Variants in ZNF428 observed in about 807,000 individuals in gnomAD.
The protein encoded by ZNF428 is enzyme-like protein PIT13.
In ZNF428, 5 loss-of-function variants were observed where a neutral mutation model predicts 15.6. That is an observed-to-expected ratio of 0.32 (90% CI 0.17 to 0.67). ZNF428 has a LOEUF of 0.67. ZNF428 is among the 30% of genes least tolerant of loss of function. The pLI is 0.73. For synonymous variants in ZNF428, 97 were observed against 102.2 expected (o/e 0.95, Z 0.31); for missense variants, 237 against 256.0 (o/e 0.93, Z 0.51).
intron 1 of ZNF428, among the ~76,000 whole-genome samples, chr19:43,619,135 A>G (rs1378409101): frequency 3.3e-5 from 5 of 152,166 alleles, no homozygotes. Context: ...ACCTTCCACT[A>G]CGGGACAATA....
intron 1 of ZNF428, among the ~76,000 whole-genome samples, chr19:43,618,007 G>A (rs1036011693): frequency 3.4e-5 from 5 of 149,172 alleles, no homozygotes; most frequent in Admixed American, 1.3e-4. Flanking sequence ...GACTACAGGC[G>A]CGTGCCACCA....
chr19:43,607,940 C>G lies in ZNF428; in HGVS notation c.244G>C (p.Ala82Pro), dbSNP rs758397790. The change falls in exon 3 of 3, where the codon GCC becomes CCC. Residue 82 changes from alanine (A) to proline (P), a missense_variant. Coordinates refer to ENST00000300811, the MANE Select transcript of ZNF428 (RefSeq NM_182498.4). The surrounding 1 kb of genome is among the most constrained non-coding windows in gnomAD (Gnocchi z 5.1). ...GCCGGGGGCTGGGCTGCACGGGGGG[C>G]CCGGCGGGATGGGCCACCACGGCCC... ...GGGRGGPSRR[A>P]PRAAQPPAQP... 2 of 1,579,146 alleles carry G rather than the reference C, an allele frequency of 1.3e-6. No homozygotes were observed. Among genetic ancestry groups the G allele is most frequent in the Non-Finnish European group, 8.6e-7 (1 of 1,162,832 alleles).
In ZNF428 at chr19:43,612,478, C is replaced by A; in HGVS notation, c.76+1751G>T. The A allele has an allele frequency of 6.5e-7, 1 of 1,545,732 alleles. No individual in the cohort carries two copies. Among genetic ancestry groups the A allele is most frequent in the Non-Finnish European group, 8.8e-7 (1 of 1,142,440 alleles). The stretch of plus-strand genomic sequence containing the variant: ...GCCACCAGCGGAGGGGCACACACAG[C>A]CGGGGTAGGACACCTGGCAGAAGGG... On this transcript the variant is annotated intron_variant, in intron 2 of 2. Transcript: ENST00000300811. The surrounding 1 kb of genome is among the most constrained non-coding windows in gnomAD (Gnocchi z 4.2).
chr19:43,613,843 C>A, intron 2 of ZNF428: 3 of 1,550,798 alleles, frequency 1.9e-6, no homozygotes, highest in Non-Finnish European at 1.7e-6. Flanking sequence ...GATGGAGAAG[C>A]CCCAGCAAGG....
chr19:43,613,482 G>T (rs1477734727), intron 2 of ZNF428: 1 of 1,544,972 alleles, frequency 6.5e-7, no homozygotes, highest in Non-Finnish European at 8.7e-7. Context: ...CGATCTAGAA[G>T]TCCCAACAAG....
intron 1 of ZNF428, among the ~76,000 whole-genome samples, chr19:43,617,224 T>C (rs1877449210): frequency 6.6e-6 from 1 of 151,940 alleles, no homozygotes; most frequent in African/African-American, 2.4e-5. Context: ...GACTTCTCTC[T>C]CTCCCTCTTC....
chr19:43,612,366 C>G lies in ZNF428; in HGVS notation c.76+1863G>C, dbSNP rs1388388549. The G allele has an allele frequency of 1.9e-6, 3 of 1,551,740 alleles. No homozygotes were observed. The East Asian group carries it at 7.3e-5, about 38-fold the overall frequency. ...CCTTCTAACCGGCCCAGCAGCAGGT[C>G]CCGAGTCCGCAGCAAAGCAAGAACA... On this transcript the variant is annotated intron_variant, in intron 2 of 2. Coordinates refer to ENST00000300811, the MANE Select transcript of ZNF428 (RefSeq NM_182498.4). The surrounding 1 kb of genome is among the most constrained non-coding windows in gnomAD (Gnocchi z 4.2).
At position 43,613,492 on chromosome 19, in the gene ZNF428, G is replaced by A. The variant is rs911328995; in HGVS notation, c.76+737C>T. 20 of 1,545,832 alleles carry A rather than the reference G, an allele frequency of 1.3e-5. No homozygotes were observed. In the African/African-American group the frequency reaches 2.8e-4, roughly 21 times the overall value. ...GCAGCCGATCTAGAAGTCCCAACAA[G>A]GCAAGAGATCATAGCCGATCTAGAA... On this transcript the variant is annotated intron_variant, in intron 2 of 2. Transcript: ENST00000300811.
chr19:43,614,495 C>T, intron 1 of ZNF428, 61 bp from the exon 2 acceptor site: 1 of 1,400,714 alleles, frequency 7.1e-7, no homozygotes, highest in South Asian at 1.6e-5. Flanking sequence ...AGCACCCATC[C>T]CCACCAAGCC....
chr19:43,613,053 A>G (rs1467530734), intron 2 of ZNF428: 1 of 1,551,626 alleles, frequency 6.4e-7, no homozygotes, highest in Non-Finnish European at 8.7e-7. Context: ...AAGAGAAACC[A>G]TAGCAGGGCA....
chr19:43,613,825 T>A, intron 2 of ZNF428: 1 of 1,548,832 alleles, frequency 6.5e-7, no homozygotes, highest in South Asian at 1.2e-5. Context: ...AAGAGAGAGA[T>A]CGCAGACGAT....
At chr19:43,615,696 CA>C (rs1266014353) in intron 1 of ZNF428, among the ~76,000 whole-genome samples, 3 of 149,812 alleles carry the variant, frequency 2.0e-5, no homozygotes, top group South Asian at 2.1e-4. Flanking sequence ...ACCCATCTTA[CA>C]AAAAAAAAAT....
rs765802911 is a variant in ZNF428 at position 43,607,784 on chromosome 19, C to T, written c.400G>A (p.Glu134Lys). 2 of 1,594,870 alleles carry T rather than the reference C, an allele frequency of 1.3e-6. No individual in the cohort carries two copies. Among genetic ancestry groups the T allele is most frequent in the Admixed American group, 1.8e-5 (1 of 56,314 alleles). ...CCAGCCCGAGGTGGTTCCTCCTCTT[C>T]CTCCCCGAGGGCCCTGCCTTCAGGG... is the stretch of plus-strand genomic sequence containing the variant. ...PAPEGRALGE[E>K]EEEPPRAGEG... Residue 134 changes from glutamate (E) to lysine (K), a missense_variant, in exon 3 of 3, where the codon GAA (glutamate) becomes AAA (lysine). Transcript: ENST00000300811. This position sits in a 1 kb window ranked among gnomAD's most constrained non-coding sequence, Gnocchi z 5.1.
At position 43,607,683 on chromosome 19, in the gene ZNF428, C is replaced by T. The variant is rs775240474; in HGVS notation, c.501G>A (p.Glu167=). 4 of 1,613,408 alleles carry T rather than the reference C, an allele frequency of 2.5e-6. No individual in the cohort carries two copies. The highest frequency in any genetic ancestry group is 3.3e-5 in the Admixed American group (2 of 59,938). The part of the protein sequence containing the change: ...EEGTYHCTEC[E]DSFDNLGELH... ...GCTCCCCCAGGTTGTCGAAGGAATC[C>T]TCACATTCCGTACAGTGGTAGGTTC... The change falls in exon 3 of 3, where the codon GAG becomes GAA. Residue 167 remains glutamate (E), a synonymous_variant. Transcript: ENST00000300811. This position sits in a 1 kb window ranked among gnomAD's most constrained non-coding sequence, Gnocchi z 5.1.
At position 43,613,222 on chromosome 19, in the gene ZNF428, T is replaced by C. The variant is rs1357651011; in HGVS notation, c.76+1007A>G. The C allele has an allele frequency of 2.2e-5, 34 of 1,550,950 alleles. No homozygotes were observed. In the South Asian group the frequency reaches 3.2e-4, roughly 15 times the overall value. On this transcript the variant is annotated intron_variant, in intron 2 of 2. Coordinates refer to ENST00000300811, the MANE Select transcript of ZNF428 (RefSeq NM_182498.4). ...CCAGCAAGGAAAGAAGTCATAGCCATTCCAGAAGCTCCAGCAAAGAGAGAG... is the reference window on the plus strand; with the variant it reads ...CCAGCAAGGAAAGAAGTCATAGCCACTCCAGAAGCTCCAGCAAAGAGAGAG...
Position 43,607,416 on chromosome 19 carries a change from TACACACAC to T in ZNF428, c.*193_*200del, listed in dbSNP as rs35296355. On this transcript the variant is annotated 3_prime_UTR_variant, in exon 3 of 3. Transcript: ENST00000300811. This position sits in a 1 kb window ranked among gnomAD's most constrained non-coding sequence, Gnocchi z 5.1. ...ACACAAACACACACACGGGCGGGAA[TACACACAC>T]ACACACACACACTCTGAACCAACAC... The T allele has an allele frequency of 5.6e-6, 3 of 531,268 alleles. No homozygotes were observed. The highest frequency in any genetic ancestry group is 3.4e-5 in the East Asian group (1 of 29,294). 32.9% of individuals were successfully genotyped at this position (531,268 alleles called of 1,614,324 possible). A position where few individuals can be genotyped will look rare whatever the true frequency, so the allele number is the denominator to read the frequency against.
At chr19:43,610,197 G>T (rs1973280794) in intron 2 of ZNF428, among the ~76,000 whole-genome samples, 1 of 151,334 alleles carries the variant, frequency 6.6e-6, no homozygotes, top group African/African-American at 2.4e-5. Flanking sequence ...TACTCTGCTT[G>T]ATTTTTCTCC....
chr19:43,619,419 G>A (rs775817431), intron 1 of ZNF428, 139 bp downstream of exon 1: 1 of 152,292 alleles, frequency 6.6e-6, no homozygotes, highest in Non-Finnish European at 1.5e-5. Context: ...ACGCGTAGGG[G>A]GAGAAAAAGA....
chr19:43,619,358 C>G (rs955895089), intron 1 of ZNF428, among the ~76,000 whole-genome samples, 200 bp downstream of exon 1: 3 of 152,240 alleles, frequency 2.0e-5, no homozygotes, highest in African/African-American at 7.2e-5. Flanking sequence ...ACTCCCACAG[C>G]GCTTCAAGGC....
Sources: gnomAD v4.1 joint callset for allele counts (sites outside exome capture counted in the v4.1 genomes callset) on GRCh38, gnomAD v4.1.1 for gene constraint, Gnocchi (gnomAD v3.1) non-coding constraint, MANE v1.5 for transcripts, NCBI Gene and HGNC (gene_info 2026-07-23, HGNC 2026-07-21) for gene names.